Variants in ABLIM1 observed in about 807,000 individuals in gnomAD.
The protein encoded by ABLIM1 is actin-binding LIM protein 1.
In ABLIM1, 40 loss-of-function variants were observed where a neutral mutation model predicts 107.0. The observed-to-expected ratio is 0.37, with a 90% CI of 0.29 to 0.49. The LOEUF is 0.49. ABLIM1 is among the 20% of genes least tolerant of loss of function. The pLI, the probability that ABLIM1 is intolerant of heterozygous loss-of-function variation, is 0.97. For synonymous variants in ABLIM1, 357 were observed against 357.3 expected, an observed-to-expected ratio of 1.00 and a Z score of 0.01; for missense variants, 857 against 1,008.5, an observed-to-expected ratio of 0.85 and a Z score of 2.04.
chr10:114,528,153 G>A (rs1010501920), intron 6 of ABLIM1, among the ~76,000 whole-genome samples: 6 of 151,876 alleles, frequency 4.0e-5, no homozygotes, highest in African/African-American at 1.5e-4. Flanking sequence ...AATTTTTTGT[G>A]GAGACAGGAT....
chr10:114,454,136 G>C (rs2062388165), intron 12 of ABLIM1, among the ~76,000 whole-genome samples: 1 of 152,130 alleles, frequency 6.6e-6, no homozygotes, highest in Non-Finnish European at 1.5e-5. Context: ...TCAAAGATGA[G>C]GCTCAACCCA....
chr10:114,464,828 A>G (rs2133551909), intron 12 of ABLIM1, among the ~76,000 whole-genome samples: 1 of 152,298 alleles, frequency 6.6e-6, no homozygotes, highest in East Asian at 1.9e-4. Flanking sequence ...ATGCGTCCAG[A>G]AGCAAGAAGC....
chr10:114,668,717 G>T (rs772339449), intron 1 of ABLIM1, among the ~76,000 whole-genome samples: 6 of 152,176 alleles, frequency 3.9e-5, no homozygotes, highest in Non-Finnish European at 7.3e-5. Flanking sequence ...GAGCCATTTA[G>T]ATAAGAAACA....
At chr10:114,549,616 G>T (rs958766810) in intron 4 of ABLIM1, among the ~76,000 whole-genome samples, 6 of 151,860 alleles carry the variant, frequency 4.0e-5, no homozygotes, top group African/African-American at 1.5e-4. Flanking sequence ...TTATGTCTAA[G>T]ATTTTATTCT....
rs186375518 is a variant in ABLIM1, at chr10:114,563,133, G to A, written c.673+8164C>T. On this transcript the variant is annotated intron_variant, in intron 4 of 22. Transcript: ENST00000533213. ...CTATGGGAAGAAGTTATGTAAAACC[G>A]TGTACATGTCTGTAGCACTTAGAGC... 1.9e-3 allele frequency among the ~76,000 whole-genome samples: 290 copies of A among 152,328 alleles called. 2 individuals carry two copies. Among genetic ancestry groups the A allele is most frequent in the African/African-American group, 6.6e-3 (276 of 41,572 alleles).
intron 1 of ABLIM1, among the ~76,000 whole-genome samples, chr10:114,604,612 G>A (rs548639935): frequency 2.6e-5 from 4 of 152,266 alleles, no homozygotes; most frequent in African/African-American, 4.8e-5. Flanking sequence ...TGATTCTTAC[G>A]CATACTCCAA....
At chr10:114,518,368 G>T (rs1005677813) in intron 6 of ABLIM1, among the ~76,000 whole-genome samples, 1 of 151,802 alleles carries the variant, frequency 6.6e-6, no homozygotes, top group Admixed American at 6.6e-5. Flanking sequence ...ACACTTCTTT[G>T]TACTTCTCTG....
chr10:114,747,450 T>G (rs1400405941), intron 1 of ABLIM1, among the ~76,000 whole-genome samples: 1 of 152,050 alleles, frequency 6.6e-6, no homozygotes, highest in Non-Finnish European at 1.5e-5. Context: ...GTTCATCTCT[T>G]CCCTCCTGGT....
At chr10:114,660,309 A>C (rs1242296693), upstream of ABLIM1, among the ~76,000 whole-genome samples, 1 of 152,228 alleles carries the variant, frequency 6.6e-6, no homozygotes. Flanking sequence ...TCTCAAAATG[A>C]GGGTAAGGGA....
At chr10:114,493,902 C>G (rs1207442808) in intron 6 of ABLIM1, among the ~76,000 whole-genome samples, 1 of 152,208 alleles carries the variant, frequency 6.6e-6, no homozygotes, top group Admixed American at 6.5e-5. Flanking sequence ...TGACAGGCTG[C>G]TTCTGTAAGT....
At chr10:114,505,520 A>G (rs913544460) in intron 6 of ABLIM1, among the ~76,000 whole-genome samples, 2 of 152,232 alleles carry the variant, frequency 1.3e-5, no homozygotes, top group African/African-American at 4.8e-5. Flanking sequence ...AAATAGTACA[A>G]TTAAGTGCAT....
intron 6 of ABLIM1, among the ~76,000 whole-genome samples, chr10:114,504,864 G>T (rs2060916021): frequency 6.6e-6 from 1 of 152,174 alleles, no homozygotes; most frequent in Non-Finnish European, 1.5e-5. Flanking sequence ...TAAAGTAGTG[G>T]TTCTGCCTAG....
At chr10:114,712,645 T>C (rs1346016874) in intron 1 of ABLIM1, among the ~76,000 whole-genome samples, 1 of 152,208 alleles carries the variant, frequency 6.6e-6, no homozygotes, top group Non-Finnish European at 1.5e-5. Context: ...TTGTGAGACA[T>C]GCCTGCTAAG....
At chr10:114,757,458 G>T (rs914091345) in intron 1 of ABLIM1, among the ~76,000 whole-genome samples, 2 of 152,042 alleles carry the variant, frequency 1.3e-5, no homozygotes, top group Non-Finnish European at 2.9e-5. Context: ...CCCCAAATCT[G>T]CCCCTTCTAT....
intron 1 of ABLIM1, among the ~76,000 whole-genome samples, chr10:114,654,138 C>T (rs1481830153): frequency 2.0e-5 from 3 of 152,200 alleles, no homozygotes; most frequent in Non-Finnish European, 4.4e-5. Flanking sequence ...TGCAGGAGGG[C>T]GCACTTCCTC....
chr10:114,620,767 G>A (rs974768132), intron 1 of ABLIM1, among the ~76,000 whole-genome samples: 1 of 152,102 alleles, frequency 6.6e-6, no homozygotes, highest in African/African-American at 2.4e-5. Flanking sequence ...TTAAACATCT[G>A]GAGATTTTAC....
intron 2 of ABLIM1, among the ~76,000 whole-genome samples, chr10:114,578,827 C>T (rs1307434476): frequency 2.6e-5 from 3 of 116,086 alleles, no homozygotes; most frequent in African/African-American, 3.4e-5. Context: ...CTCTTTGTTG[C>T]CCAGGCTGGA....
chr10:114,474,362 G>C (rs2067157910), intron 8 of ABLIM1, among the ~76,000 whole-genome samples: 1 of 150,724 alleles, frequency 6.6e-6, no homozygotes, highest in Non-Finnish European at 1.5e-5. Context: ...AAATCCACCT[G>C]GCAGGCAATG....
At chr10:114,615,175 A>G (rs908860935) in intron 1 of ABLIM1, among the ~76,000 whole-genome samples, 3 of 152,238 alleles carry the variant, frequency 2.0e-5, no homozygotes, top group African/African-American at 7.2e-5. Flanking sequence ...TTTTAAGTGC[A>G]TAATATAAAC....
Sources: gnomAD v4.1 joint callset for allele counts (sites outside exome capture counted in the v4.1 genomes callset) on GRCh38, gnomAD v4.1.1 for gene constraint, MANE v1.5 for transcripts, NCBI Gene and HGNC (gene_info 2026-07-23, HGNC 2026-07-21) for gene names.